The following SLC24A4 variants were observed in gnomAD, a reference collection of about 807,000 sequenced individuals.
SLC24A4 encodes solute carrier family 24 member 4.
Under a neutral mutation model 79.0 loss-of-function variants are expected in SLC24A4, and 53 were observed. The observed-to-expected ratio is 0.67, with a 90% confidence interval of 0.54 to 0.84. The LOEUF is 0.84. Ranked by LOEUF, SLC24A4 falls within the 40% of genes least tolerant of loss-of-function variation. The pLI is 0.00. For synonymous variants in SLC24A4, 323 were observed against 323.8 expected, an observed-to-expected ratio of 1.00 and a Z score of 0.03; for missense variants, 731 against 822.0, an observed-to-expected ratio of 0.89 and a Z score of 1.35.
At position 92,453,946 on chromosome 14, in the gene SLC24A4, C is replaced by T. The variant is rs762780369; in HGVS notation, c.927C>T (p.Asp309=). The change falls in exon 11 of 17, where the codon GAC becomes GAT. Residue 309 remains aspartate, a synonymous_variant. Coordinates refer to ENST00000532405, the MANE Select transcript of SLC24A4 (RefSeq NM_153646.4). ...GCAAGAACCCCGTGGTGATGGTGGA[C>T]GAGATTATGAGCTCCAGCCCTCCCA... ...QYGKNPVVMV[D]EIMSSSPPKF... is the part of the protein sequence containing the mutation. 34 of 1,613,306 alleles carry T rather than the reference C, an allele frequency of 2.1e-5. No homozygotes were observed. Among genetic ancestry groups the T allele is most frequent in the Middle Eastern group, 1.6e-4 (1 of 6,078 alleles).
chr14:92,477,759 T>G (rs1894849694), intron 12 of SLC24A4, among the ~76,000 whole-genome samples: 1 of 147,954 alleles, frequency 6.8e-6, no homozygotes, highest in South Asian at 2.2e-4. Context: ...CAGCCTTTCT[T>G]TCCTTTTTTT....
At chr14:92,463,650 T>C (rs1487419254) in intron 12 of SLC24A4, among the ~76,000 whole-genome samples, 1 of 152,212 alleles carries the variant, frequency 6.6e-6, no homozygotes, top group Non-Finnish European at 1.5e-5. Context: ...TATTTTTTCA[T>C]ATAACAGGTC....
chr14:92,336,219 A>G (rs1228708652), intron 2 of SLC24A4, among the ~76,000 whole-genome samples: 1 of 152,234 alleles, frequency 6.6e-6, no homozygotes, highest in Admixed American at 6.5e-5. Flanking sequence ...GCCTTGGGTG[A>G]AAGAGATCCA....
At chr14:92,459,718 G>A (rs999495619) in intron 12 of SLC24A4, among the ~76,000 whole-genome samples, 5 of 152,180 alleles carry the variant, frequency 3.3e-5, no homozygotes, top group African/African-American at 7.2e-5. Context: ...AGGAGCAGGC[G>A]GTGGGAACGG....
At chr14:92,348,525 A>G (rs1886673697) in intron 2 of SLC24A4, among the ~76,000 whole-genome samples, 1 of 152,304 alleles carries the variant, frequency 6.6e-6, no homozygotes, top group African/African-American at 2.4e-5. Flanking sequence ...CTAGGTCACA[A>G]AGTTGGTTGG....
intron 2 of SLC24A4, among the ~76,000 whole-genome samples, chr14:92,344,562 C>T (rs887485326): frequency 1.5e-4 from 23 of 152,096 alleles, no homozygotes; most frequent in East Asian, 5.8e-4. Flanking sequence ...AGCCAAGGAT[C>T]GATATGCTGA....
intron 12 of SLC24A4, among the ~76,000 whole-genome samples, chr14:92,476,515 G>A (rs914590826): frequency 1.3e-5 from 2 of 151,990 alleles, no homozygotes; most frequent in East Asian, 1.9e-4. Flanking sequence ...ATATTACAGA[G>A]CAAACACAGC....
chr14:92,367,810 G>A (rs146159973), intron 2 of SLC24A4, among the ~76,000 whole-genome samples: 209 of 152,306 alleles, frequency 1.4e-3, no homozygotes, highest in African/African-American at 4.9e-3. Flanking sequence ...AACAGAGGAG[G>A]CGACATCACA....
At position 92,493,614 on chromosome 14, in the gene SLC24A4, C is replaced by G. The variant is rs754498050; in HGVS notation, c.1855C>G (p.Arg619Gly). The change falls in exon 17 of 17, where the codon CGG becomes GGG. Residue 619 changes from arginine (R) to glycine (G), a missense_variant. By Grantham distance (125) the Arg-to-Gly change is moderately radical (BLOSUM62 -2). Coordinates refer to ENST00000532405, the MANE Select transcript of SLC24A4 (RefSeq NM_153646.4). ...TACCTTCGTCAACTTGCCGATGTGC[C>G]GGGAAGACGATTAGCGCTGAGTCGC... is the stretch of plus-strand genomic sequence containing the variant. ...VFTFVNLPMC[R>G]EDD The G allele has an allele frequency of 6.2e-7, 1 of 1,614,140 alleles. No homozygotes were observed. The highest frequency in any genetic ancestry group is 8.5e-7 in the Non-Finnish European group (1 of 1,180,004).
At chr14:92,376,454 G>A (rs959016259) in intron 2 of SLC24A4, among the ~76,000 whole-genome samples, 1 of 152,262 alleles carries the variant, frequency 6.6e-6, no homozygotes, top group African/African-American at 2.4e-5. Context: ...CCACGTCGGG[G>A]CAGCTGGGGG....
At chr14:92,427,455 C>G (rs550140553) in intron 2 of SLC24A4, among the ~76,000 whole-genome samples, 1 of 152,326 alleles carries the variant, frequency 6.6e-6, no homozygotes, top group African/African-American at 2.4e-5. Flanking sequence ...TGGCATTTAT[C>G]CTAAGTGTTT....
At chr14:92,344,321 C>T (rs942628732) in intron 2 of SLC24A4, among the ~76,000 whole-genome samples, 2 of 152,186 alleles carry the variant, frequency 1.3e-5, no homozygotes, top group Non-Finnish European at 2.9e-5. Context: ...CCTTCATTGC[C>T]AACTAGTGAT....
chr14:92,439,274 G>A, intron 3 of SLC24A4, 61 bp from the exon 4 acceptor site: 3 of 1,426,530 alleles, frequency 2.1e-6, no homozygotes, highest in South Asian at 2.3e-5. Flanking sequence ...GGTGTGGTGG[G>A]CCCTTTGCAG....
At chr14:92,383,526 C>T (rs1888968684) in intron 2 of SLC24A4, among the ~76,000 whole-genome samples, 1 of 152,196 alleles carries the variant, frequency 6.6e-6, no homozygotes, top group Non-Finnish European at 1.5e-5. Flanking sequence ...TATTGCCTGT[C>T]TGCACACCAG....
At chr14:92,478,609 C>G (rs1181948119) in intron 12 of SLC24A4, among the ~76,000 whole-genome samples, 1 of 149,468 alleles carries the variant, frequency 6.7e-6, no homozygotes, top group Non-Finnish European at 1.5e-5. Flanking sequence ...TAGCTTTGTC[C>G]TAAGTTTTAA....
rs1555374575 is a variant in SLC24A4 at position 92,474,843 on chromosome 14, G to GTATATATATATATATATA, written c.1256-7833_1256-7816dup. ...TATACATATATATGTGTGTGTGTGTGTATATATATATATATATATATTTTT... is the reference window on the plus strand; with the variant it reads ...TATACATATATATGTGTGTGTGTGTGTATATATATATATATATATATATATATATATATATATATTTTT... On this transcript the variant is annotated intron_variant, in intron 12 of 16. Transcript: ENST00000532405. Among the ~76,000 whole-genome samples, 48 of 23,872 alleles carry GTATATATATATATATATA rather than the reference G, an allele frequency of 2.0e-3. 4 individuals are homozygous for GTATATATATATATATATA. In the East Asian group the frequency reaches 0.026, roughly 13 times the overall value. 15.7% of individuals were successfully genotyped at this position (23,872 alleles called of 152,430 possible).
chr14:92,467,535 G>C (rs996447670), intron 12 of SLC24A4, among the ~76,000 whole-genome samples: 1 of 152,184 alleles, frequency 6.6e-6, no homozygotes, highest in African/African-American at 2.4e-5. Context: ...TTTTAGACTA[G>C]TTTTCTTATA....
At position 92,442,758 on chromosome 14, in the gene SLC24A4, G is replaced by T. The variant is rs762289417; in HGVS notation, c.524G>T (p.Gly175Val). 15 of 1,614,078 alleles carry T rather than the reference G, an allele frequency of 9.3e-6. No homozygotes were observed. Among genetic ancestry groups the T allele is most frequent in the South Asian group, 8.8e-5 (8 of 91,088 alleles). ...HGDVGVGTIV[G>V]SAVFNILCII... ...GACGTCGGGGTGGGCACCATCGTGG[G>T]CTCTGCTGTGTTCAACATCCTGTGC... is the stretch of plus-strand genomic sequence containing the variant. Residue 175 changes from glycine to valine, a missense_variant, in exon 6 of 17, where the codon GGC becomes GTC. Coordinates refer to ENST00000532405, the MANE Select transcript of SLC24A4 (RefSeq NM_153646.4).
At chr14:92,361,514 TGAA>T (rs988891402) in intron 2 of SLC24A4, among the ~76,000 whole-genome samples, 3 of 150,194 alleles carry the variant, frequency 2.0e-5, no homozygotes, top group Admixed American at 6.6e-5. Flanking sequence ...AAAAAAAAAA[TGAA>T]GAGATTTAGG....
Sources: gnomAD v4.1 joint callset for allele counts (sites outside exome capture counted in the v4.1 genomes callset) on GRCh38, gnomAD v4.1.1 for gene constraint, MANE v1.5 for transcripts, NCBI Gene and HGNC (gene_info 2026-07-23, HGNC 2026-07-21) for gene names.